Variants in NIPA1 observed in about 807,000 individuals in gnomAD.
NIPA1 encodes the protein magnesium transporter NIPA1.
Under a neutral mutation model 23.9 loss-of-function variants are expected in NIPA1, and 13 were observed. The ratio of observed to expected loss-of-function variants is 0.54; its 90% CI spans 0.35 to 0.87. NIPA1 has a LOEUF of 0.87. Ranked by LOEUF, NIPA1 falls within the 40% of genes least tolerant of loss-of-function variation. NIPA1 has a pLI of 0.01. For missense variants in NIPA1, 362 were observed against 429.7 expected, an observed-to-expected ratio of 0.84 and a Z score of 1.39; for synonymous variants, 234 against 202.9, an observed-to-expected ratio of 1.15 and a Z score of -1.30.
chr15:22,790,378 G>A (rs1003090428), intron 1 of NIPA1, among the ~76,000 whole-genome samples: 7 of 150,242 alleles, frequency 4.7e-5, no homozygotes, highest in East Asian at 2.0e-4. Flanking sequence ...CACCAGTCTC[G>A]ATCTCCTGAC....
chr15:22,786,825 A>G lies in NIPA1; in HGVS notation c.169A>G (p.Lys57Glu). Reference protein sequence around the residue: ...VLQKKGIVRAKRRGTSYLTDI... With the variant: ...VLQKKGIVRAERRGTSYLTDI... ...ACAGAAGAAGGGCATCGTGCGTGCCAAGCGGCGAGGTAGGGCGGGCGGCAG... is the reference window on the plus strand; with the variant it reads ...ACAGAAGAAGGGCATCGTGCGTGCCGAGCGGCGAGGTAGGGCGGGCGGCAG... The change falls in exon 1 of 5, where the codon AAG becomes GAG. Residue 57 changes from lysine (K) to glutamate (E), a missense_variant. Coordinates refer to ENST00000337435, the MANE Select transcript of NIPA1 (RefSeq NM_144599.5). 8.3e-7 allele frequency: 1 copy of G among 1,211,096 alleles called. No homozygotes were observed. Among genetic ancestry groups the G allele is most frequent in the South Asian group, 1.9e-5 (1 of 53,748 alleles). 75.0% of individuals were successfully genotyped at this position (1,211,096 alleles called of 1,614,324 possible). A position where few individuals can be genotyped will look rare whatever the true frequency, so the allele number is the denominator to read the frequency against.
intron 1 of NIPA1, among the ~76,000 whole-genome samples, chr15:22,805,298 C>T (rs755677499): frequency 6.6e-5 from 10 of 152,200 alleles, no homozygotes; most frequent in African/African-American, 1.2e-4. Context: ...TGGTGCACAG[C>T]AGTGCTCAGT....
At chr15:22,809,814 C>G (rs948541530) in intron 1 of NIPA1, among the ~76,000 whole-genome samples, 2 of 150,976 alleles carry the variant, frequency 1.3e-5, no homozygotes, top group Non-Finnish European at 2.9e-5. Flanking sequence ...CCGAGGTGGG[C>G]GGATCACCTG....
At chr15:22,823,706 C>G (rs376778817) in intron 4 of NIPA1, 22 bp from the exon 5 acceptor site, 3 of 1,590,792 alleles carry the variant, frequency 1.9e-6, no homozygotes, top group Non-Finnish European at 2.6e-6. Context: ...CTCCGGGTGA[C>G]TGTGTGCTGT....
At chr15:22,817,258 G>C (rs1347150820) in intron 3 of NIPA1, among the ~76,000 whole-genome samples, 5 of 151,320 alleles carry the variant, frequency 3.3e-5, no homozygotes, top group Non-Finnish European at 5.9e-5. Context: ...CCAGCACTTT[G>C]GGAGGCTGAG....
chr15:22,787,600 T>G (rs1396967991), intron 1 of NIPA1, among the ~76,000 whole-genome samples: 1 of 152,198 alleles, frequency 6.6e-6, no homozygotes. Flanking sequence ...CAGTGTCGTT[T>G]GTGCTGGGAG....
At chr15:22,788,988 A>T (rs1428909482) in intron 1 of NIPA1, among the ~76,000 whole-genome samples, 2 of 138,908 alleles carry the variant, frequency 1.4e-5, no homozygotes, top group Non-Finnish European at 3.1e-5. Flanking sequence ...TCATTTATTT[A>T]TTTTTTATTA....
chr15:22,821,995 T>C (rs1322496029), intron 4 of NIPA1, among the ~76,000 whole-genome samples: 1 of 152,204 alleles, frequency 6.6e-6, no homozygotes, highest in Non-Finnish European at 1.5e-5. Context: ...AGAAGACCTA[T>C]TGAAGCTGGC....
intron 3 of NIPA1, among the ~76,000 whole-genome samples, chr15:22,818,398 T>C (rs1895468058): frequency 6.6e-6 from 1 of 151,952 alleles, no homozygotes; most frequent in African/African-American, 2.4e-5. Context: ...ATTGCGCCAT[T>C]GCACTCCAGC....
intron 3 of NIPA1, among the ~76,000 whole-genome samples, chr15:22,814,405 G>A (rs977889619): frequency 2.6e-5 from 4 of 151,992 alleles, no homozygotes; most frequent in South Asian, 2.1e-4. Flanking sequence ...GGGTTTGACC[G>A]TGTTGGCTGG....
intron 4 of NIPA1, among the ~76,000 whole-genome samples, chr15:22,821,408 C>T (rs561822100): frequency 1.1e-4 from 17 of 152,346 alleles, no homozygotes; most frequent in African/African-American, 4.1e-4. Context: ...GCCTCCACAT[C>T]AGTTTGCTGG....
intron 1 of NIPA1, among the ~76,000 whole-genome samples, chr15:22,790,402 C>T (rs527848831): frequency 9.9e-5 from 15 of 150,800 alleles, no homozygotes; most frequent in African/African-American, 3.4e-4. Flanking sequence ...GTGATCCTCC[C>T]GCCTCGGCCT....
intron 1 of NIPA1, among the ~76,000 whole-genome samples, chr15:22,787,558 T>A (rs1048789539): frequency 6.6e-5 from 10 of 152,192 alleles, no homozygotes; most frequent in African/African-American, 2.4e-4. Context: ...AGCACCGCAC[T>A]CCGTAGTGCT....
At chr15:22,792,987 G>C (rs570074052) in intron 1 of NIPA1, among the ~76,000 whole-genome samples, 1 of 152,068 alleles carries the variant, frequency 6.6e-6, no homozygotes. Flanking sequence ...GGTTGGTAGC[G>C]GGAGGCACAG....
intron 4 of NIPA1, among the ~76,000 whole-genome samples, chr15:22,823,216 T>A (rs1349207798): frequency 1.2e-5 from 1 of 81,200 alleles, no homozygotes; most frequent in Admixed American, 1.2e-4. Context: ...CTTCTGTAAA[T>A]TTTTTTTTTT....
At position 22,823,708 on chromosome 15, in the gene NIPA1, G is replaced by C. The variant is rs372189145; in HGVS notation, c.479-20G>C. The C allele has an allele frequency of 1.5e-4, 231 of 1,592,566 alleles. 1 individual carries two copies. The highest frequency in any genetic ancestry group is 1.9e-4 in the Non-Finnish European group (226 of 1,174,882). On this transcript the variant is annotated intron_variant, in intron 4 of 4. Transcript: ENST00000337435. ...TGCTAGGCGGTGGCTCCGGGTGACT[G>C]TGTGCTGTCTGTGTTCCAGTGTTTG...
rs1007764534 is a variant in NIPA1 at position 22,829,641 on chromosome 15, A to G, written c.*5402A>G. ...ATTAGCATACATAGACACATGTGTC[A>G]GTGGCCAAGACCTGCTTATATTTTG... On this transcript the variant is annotated 3_prime_UTR_variant, in exon 5 of 5. Transcript: ENST00000337435. 1 of 152,242 alleles carries G rather than the reference A, an allele frequency of 6.6e-6. No individual in the cohort carries two copies. Among genetic ancestry groups the G allele is most frequent in the East Asian group, 1.9e-4 (1 of 5,204 alleles). 9.4% of individuals were successfully genotyped at this position (152,242 alleles called of 1,614,324 possible).
At chr15:22,803,561 TG>T (rs1895134063) in intron 1 of NIPA1, among the ~76,000 whole-genome samples, 1 of 133,894 alleles carries the variant, frequency 7.5e-6, no homozygotes, top group East Asian at 2.4e-4. Context: ...TAGGCTGGAG[TG>T]CAGTGGCGTG....
At chr15:22,801,396 G>A (rs908641878) in intron 1 of NIPA1, among the ~76,000 whole-genome samples, 35 of 151,998 alleles carry the variant, frequency 2.3e-4, no homozygotes, top group African/African-American at 8.5e-4. Flanking sequence ...GCCTCAGGGT[G>A]CGTGGGGGCA....
Sources: allele counts gnomAD v4.1 joint callset (sites outside exome capture counted in the v4.1 genomes callset), GRCh38; gene constraint gnomAD v4.1.1; transcripts MANE v1.5; gene names NCBI Gene and HGNC (gene_info 2026-07-23, HGNC 2026-07-21).